Variants in PPT1 observed in about 807,000 individuals in gnomAD.
The protein encoded by PPT1 is palmitoyl-protein thioesterase 1, also known as ceroid-palmitoyl-palmitoyl-protein thioesterase 1.
PPT1 carries 24 observed loss-of-function variants against 44.0 expected under a neutral mutation model. That is an observed-to-expected ratio of 0.54 (90% confidence interval 0.39 to 0.77). PPT1 has a LOEUF of 0.77. Ranked by LOEUF, PPT1 falls within the 30% of genes least tolerant of loss-of-function variation. The probability of loss-of-function intolerance (pLI) is 0.00; values close to 1 mark genes in which losing one functional copy is unlikely to be tolerated. For synonymous variants in PPT1, 148 were observed against 140.2 expected (o/e 1.06, Z -0.39); for missense variants, 341 against 378.8 (o/e 0.90, Z 0.83).
Position 40,076,870 on chromosome 1 carries a change from G to C in PPT1, c.770C>G (p.Pro257Arg). The change falls in exon 8 of 9, where the codon CCC (proline) becomes CGC (arginine). Residue 257 changes from proline (P) to arginine (R), a missense_variant. Coordinates refer to ENST00000642050, the MANE Select transcript of PPT1 (RefSeq NM_000310.4). ...TGTGTACAGGGAGGTCTCCTGTAAG[G>C]GAATGGTTTCCTTGGCTTGGCCACT... Reference protein sequence around the residue: ...YRSGQAKETIPLQETSLYTQD... With the variant: ...YRSGQAKETIRLQETSLYTQD... 1 of 1,614,176 alleles carries C rather than the reference G, an allele frequency of 6.2e-7. No individual in the cohort carries two copies. The highest frequency in any genetic ancestry group is 8.5e-7 in the Non-Finnish European group (1 of 1,180,014).
intron 8 of PPT1, chr1:40,075,260 C>T (rs899124363): frequency 3.3e-5 from 5 of 152,180 alleles, no homozygotes; most frequent in Admixed American, 3.3e-4. Flanking sequence ...CTCAAAAGAA[C>T]AAAACAGAAA....
At chr1:40,090,606 A>G (rs3131649) in intron 4 of PPT1, among the ~76,000 whole-genome samples, 121,091 of 152,160 alleles carry the variant, frequency 0.8, 48,296 homozygotes, top group East Asian at 0.88. Flanking sequence ...TTACCAACTT[A>G]CGTTTGTATA....
At chr1:40,093,694 G>A (rs1243934409) in intron 1 of PPT1, among the ~76,000 whole-genome samples, 2 of 151,932 alleles carry the variant, frequency 1.3e-5, no homozygotes, top group East Asian at 1.9e-4. Context: ...AGACCAGCCT[G>A]GGCAACATGG....
At chr1:40,072,421 G>A (rs1225035051), downstream of PPT1, 1 of 225,004 alleles carries the variant, frequency 4.4e-6, no homozygotes, top group Non-Finnish European at 8.6e-6. Flanking sequence ...AACCTCCACT[G>A]CAGGCTGGTT....
At chr1:40,076,996 A>C (rs1018106402) in intron 7 of PPT1, 83 bp from the exon 8 acceptor site, 3 of 1,502,398 alleles carry the variant, frequency 2.0e-6, no homozygotes, top group African/African-American at 2.8e-5. Context: ...TTAGAAGCTA[A>C]AACTGCCAAC....
chr1:40,076,401 G>C (rs1014531401), intron 8 of PPT1, among the ~76,000 whole-genome samples: 1 of 152,004 alleles, frequency 6.6e-6, no homozygotes, highest in South Asian at 2.1e-4. Flanking sequence ...GGAGGCAGGG[G>C]TTGCAGTGAG....
At chr1:40,093,471 G>T (rs1649675565) in intron 1 of PPT1, among the ~76,000 whole-genome samples, 1 of 152,170 alleles carries the variant, frequency 6.6e-6, no homozygotes, top group Non-Finnish European at 1.5e-5. Context: ...TACACTAAAT[G>T]CCACTGAATC....
intron 5 of PPT1, 25 bp downstream of exon 5, chr1:40,089,385 A>C: frequency 6.3e-7 from 1 of 1,583,816 alleles, no homozygotes; most frequent in Non-Finnish European, 8.7e-7. Context: ...ACAGGTCTGT[A>C]ATCTTTTCAG....
chr1:40,082,282 G>A (rs200451567), intron 5 of PPT1: 4 of 152,320 alleles, frequency 2.6e-5, no homozygotes, highest in Non-Finnish European at 4.4e-5. Context: ...AGCCAGCTAC[G>A]TCAGAGATGG....
intron 5 of PPT1, among the ~76,000 whole-genome samples, chr1:40,081,334 G>A (rs761881075): frequency 2.0e-4 from 30 of 151,948 alleles, no homozygotes; most frequent in African/African-American, 3.9e-4. Context: ...TCAGGAGTTC[G>A]AAACCAACCT....
chr1:40,092,522 A>C lies in PPT1; in HGVS notation c.125-15T>G, dbSNP rs386833629. On this transcript the variant is annotated splice_polypyrimidine_tract_variant and intron_variant, in intron 1 of 8. Transcript: ENST00000642050. Reference sequence around the variant, plus strand: ...ACAGCTGTCTCCTAGCCAACAAAACACAATGATGGAAACTCATGAGTCCAA... The same window carrying C: ...ACAGCTGTCTCCTAGCCAACAAAACCCAATGATGGAAACTCATGAGTCCAA... The C allele has an allele frequency of 6.4e-7, 1 of 1,566,902 alleles. No individual in the cohort carries two copies.
At chr1:40,080,632 T>G (rs1157394711) in intron 5 of PPT1, 145 bp from the exon 6 acceptor site, 10 of 741,388 alleles carry the variant, frequency 1.3e-5, no homozygotes, top group Non-Finnish European at 2.3e-5. Flanking sequence ...TCCCAGCACT[T>G]TGGGAGGCTG....
chr1:40,079,875 T>C (rs1180816996), intron 6 of PPT1, among the ~76,000 whole-genome samples: 4 of 152,230 alleles, frequency 2.6e-5, no homozygotes, highest in Non-Finnish European at 5.9e-5. Context: ...TGCTATATAC[T>C]ATTCTGTGTT....
At chr1:40,076,089 A>G (rs1482187943) in intron 8 of PPT1, among the ~76,000 whole-genome samples, 1 of 151,656 alleles carries the variant, frequency 6.6e-6, no homozygotes, top group Non-Finnish European at 1.5e-5. Flanking sequence ...TCAAAACTCT[A>G]GTCCCACTCA....
chr1:40,097,164 C>G lies in PPT1; in HGVS notation c.75G>C (p.Gln25His). ...LPWTCASRALQHLDPPAPLPL... is the reference protein window; with the variant it reads ...LPWTCASRALHHLDPPAPLPL... ...GCAGCGGCGCCGGCGGGTCCAGATGCTGCAGCGCCCGAGAAGCGCAGGTCC... is the reference window on the plus strand; with the variant it reads ...GCAGCGGCGCCGGCGGGTCCAGATGGTGCAGCGCCCGAGAAGCGCAGGTCC... Residue 25 changes from glutamine to histidine, a missense_variant, in exon 1 of 9, where the codon CAG (glutamine) becomes CAC (histidine). By Grantham distance (24) the Gln-to-His change is conservative (BLOSUM62 0). Coordinates refer to ENST00000642050, the MANE Select transcript of PPT1 (RefSeq NM_000310.4). 1 of 1,614,148 alleles carries G rather than the reference C, an allele frequency of 6.2e-7. No individual in the cohort carries two copies.
chr1:40,092,534 A>G, intron 1 of PPT1, 27 bp from the exon 2 acceptor site: 1 of 1,508,098 alleles, frequency 6.6e-7, no homozygotes. Flanking sequence ...AATGATGGAA[A>G]CTCATGAGTC....
intron 7 of PPT1, among the ~76,000 whole-genome samples, chr1:40,077,213 A>C (rs1325314840): frequency 6.6e-6 from 1 of 152,270 alleles, no homozygotes; most frequent in Non-Finnish European, 1.5e-5. Flanking sequence ...GGATGAATAC[A>C]TAATCTGTTT....
chr1:40,074,085 G>A lies in PPT1; in HGVS notation c.897C>T (p.Ala299=). 1 of 1,614,030 alleles carries A rather than the reference G, an allele frequency of 6.2e-7. No individual in the cohort carries two copies. Among genetic ancestry groups the A allele is most frequent in the South Asian group, 1.1e-5 (1 of 91,072 alleles). Residue 299 remains alanine (A), a synonymous_variant, in exon 9 of 9, where the codon GCC becomes GCT. Transcript: ENST00000642050. ...HLQLSEEWFY[A]HIIPFLG ...TTCATCCAAGGAATGGTATGATGTG[G>A]GCATAAAACCATTCTTCAGACAACT... is the stretch of plus-strand genomic sequence containing the variant.
At chr1:40,090,388 GTA>G (rs947359281) in intron 4 of PPT1, among the ~76,000 whole-genome samples, 40 of 151,932 alleles carry the variant, frequency 2.6e-4, no homozygotes, top group Admixed American at 1.8e-3. Flanking sequence ...GCATATGTGT[GTA>G]TATATATGTC....
Sources: allele counts gnomAD v4.1 joint callset (sites outside exome capture counted in the v4.1 genomes callset), GRCh38; gene constraint gnomAD v4.1.1; transcripts MANE v1.5; gene names NCBI Gene and HGNC (gene_info 2026-07-23, HGNC 2026-07-21).